The following ZNF135 variants were observed in gnomAD, a reference collection of about 807,000 sequenced individuals.
ZNF135 encodes the protein zinc finger protein 135 (clone pHZ-17).
A neutral mutation model predicts 12.3 loss-of-function variants in ZNF135; 11 were observed. That is an observed-to-expected ratio of 0.89 (90% CI 0.56 to 1.48). The LOEUF (loss-of-function observed/expected upper bound fraction) is 1.48. Ranked by LOEUF, ZNF135 falls within the 40% of genes most tolerant of loss-of-function variation. The pLI is 0.00. For missense variants in ZNF135, 722 were observed against 815.7 expected (o/e 0.89, Z 1.40); for synonymous variants, 316 against 312.0 (o/e 1.01, Z -0.14).
chr19:58,068,115 A>G lies in ZNF135; in HGVS notation c.1631A>G (p.His544Arg), dbSNP rs759825762. Residue 544 changes from histidine (H) to arginine (R), a missense_variant, in exon 5 of 5, where the codon CAC becomes CGC. Transcript: ENST00000313434. ...CCCCTCATTCAGCATCAGAGGATCC[A>G]CACAGGAGAGAAACCCTATGAATGT... Reference protein sequence around the residue: ...LAPLIQHQRIHTGEKPYECNQ... With the variant: ...LAPLIQHQRIRTGEKPYECNQ... 1 of 1,614,204 alleles carries G rather than the reference A, an allele frequency of 6.2e-7. No homozygotes were observed. The highest frequency in any genetic ancestry group is 8.5e-7 in the Non-Finnish European group (1 of 1,180,038).
At position 58,067,296 on chromosome 19, in the gene ZNF135, A is replaced by G. The variant is rs746536871; in HGVS notation, c.812A>G (p.Lys271Arg). Residue 271 changes from lysine (K) to arginine (R), a missense_variant, in exon 5 of 5, where the codon AAA (lysine) becomes AGA (arginine). Transcript: ENST00000313434. The part of the protein sequence containing the change: ...QRIHTGEKPY[K>R]CTQCGRTFNQ... ...ATCCATACTGGGGAGAAACCCTATAAATGCACTCAGTGTGGGAGGACCTTC... is the reference window on the plus strand; with the variant it reads ...ATCCATACTGGGGAGAAACCCTATAGATGCACTCAGTGTGGGAGGACCTTC... 1 of 1,614,138 alleles carries G rather than the reference A, an allele frequency of 6.2e-7. No individual in the cohort carries two copies. Among genetic ancestry groups the G allele is most frequent in the East Asian group, 2.2e-5 (1 of 44,882 alleles).
chr19:58,061,139 A>AG (rs925825058), intron 2 of ZNF135, among the ~76,000 whole-genome samples: 1 of 150,778 alleles, frequency 6.6e-6, no homozygotes, highest in Admixed American at 6.6e-5. Context: ...GGGGAAAAAA[A>AG]AAACCACCCA....
chr19:58,059,317 T>A lies in ZNF135; in HGVS notation c.-35+7T>A. On this transcript the variant is annotated splice_region_variant and intron_variant, in intron 1 of 4. Transcript: ENST00000313434. The surrounding 1 kb of genome is among the most constrained non-coding windows in gnomAD (Gnocchi z 6.5). ...TTGTCTCGCAGTCAGGAGGGTGAGC[T>A]AGGCCGGCGAGGAGGGGGAGGGGAG... 7.2e-7 allele frequency: 1 copy of A among 1,393,110 alleles called. No homozygotes were observed. The highest frequency in any genetic ancestry group is 9.4e-7 in the Non-Finnish European group (1 of 1,064,308). 86.3% of individuals were successfully genotyped at this position (1,393,110 alleles called of 1,614,324 possible). A position where few individuals can be genotyped will look rare whatever the true frequency, so the allele number is the denominator to read the frequency against.
chr19:58,068,120 G>C lies in ZNF135; in HGVS notation c.1636G>C (p.Gly546Arg), dbSNP rs1178394125. The change falls in exon 5 of 5, where the codon GGA becomes CGA. Residue 546 changes from glycine to arginine, a missense_variant. Physicochemically the swap from Gly to Arg is moderately radical, Grantham distance 125. Coordinates refer to ENST00000313434, the MANE Select transcript of ZNF135 (RefSeq NM_001289401.2). ...CATTCAGCATCAGAGGATCCACACAGGAGAGAAACCCTATGAATGTAACCA... is the reference window on the plus strand; with the variant it reads ...CATTCAGCATCAGAGGATCCACACACGAGAGAAACCCTATGAATGTAACCA... ...PLIQHQRIHT[G>R]EKPYECNQCG... 6.2e-7 allele frequency: 1 copy of C among 1,614,198 alleles called. No homozygotes were observed. The highest frequency in any genetic ancestry group is 1.1e-5 in the South Asian group (1 of 91,086).
At chr19:58,064,762 G>A (rs1380088977) in intron 4 of ZNF135, among the ~76,000 whole-genome samples, 6 of 151,806 alleles carry the variant, frequency 4.0e-5, no homozygotes, top group Non-Finnish European at 7.4e-5. Context: ...ATGGTGGCAC[G>A]CTCCTGTAGT....
rs141591921 is a variant in ZNF135, at chr19:58,067,762, C to G, written c.1278C>G (p.Thr426=). 5 of 1,614,084 alleles carry G rather than the reference C, an allele frequency of 3.1e-6. No homozygotes were observed. The highest frequency in any genetic ancestry group is 3.4e-6 in the Non-Finnish European group (4 of 1,180,008). Residue 426 remains threonine, a synonymous_variant, in exon 5 of 5, where the codon ACC becomes ACG. Transcript: ENST00000313434. The part of the protein sequence containing the change: ...GKAFSQSTLL[T]EHRRIHTGEK... ...CCTTCAGTCAGAGCACACTCCTGAC[C>G]GAGCATCGGAGGATTCACACAGGAG... is the stretch of plus-strand genomic sequence containing the variant.
Position 58,064,716 on chromosome 19 carries a change from C to CAA in ZNF135, c.256+1184_256+1185dup, listed in dbSNP as rs202061519. 5.0e-3 allele frequency among the ~76,000 whole-genome samples: 658 copies of CAA among 130,690 alleles called. 4 individuals are homozygous for CAA. The highest frequency in any genetic ancestry group is 0.017 in the African/African-American group (587 of 34,466). 85.7% of individuals were successfully genotyped at this position (130,690 alleles called of 152,430 possible). On this transcript the variant is annotated intron_variant, in intron 4 of 4. Coordinates refer to ENST00000313434, the MANE Select transcript of ZNF135 (RefSeq NM_001289401.2). Reference sequence around the variant, plus strand: ...CCAACATGGTGAAACCCCGTCTCTACAAAAAAAAAATACAAAAAAAAAAAA... The same window carrying CAA: ...CCAACATGGTGAAACCCCGTCTCTACAAAAAAAAAAAATACAAAAAAAAAAAA...
rs528421372 is a variant in ZNF135, at chr19:58,060,236, TGGCCTCTACTGGTGCCC to T, written c.33+212_33+228del. The T allele has an allele frequency of 7.2e-4, 1,020 of 1,426,408 alleles. 6 individuals are homozygous for T. The African/African-American group carries it at 9.8e-3, about 14-fold the overall frequency. The allele number at this position is 1,426,408 out of a possible 1,614,324, so 88.4% of individuals were successfully genotyped here. A position where few individuals can be genotyped will look rare whatever the true frequency, so the allele number is the denominator to read the frequency against. ...CACAACTGGCCTCTACTCGCGCACCTGGCCTCTACTGGTGCCCGGCCTCTACTCGTGCCCGGCCTCTA... is the reference window on the plus strand; with the variant it reads ...CACAACTGGCCTCTACTCGCGCACCTGGCCTCTACTCGTGCCCGGCCTCTA... On this transcript the variant is annotated intron_variant, in intron 2 of 4. Transcript: ENST00000313434. The surrounding 1 kb of genome is among the most constrained non-coding windows in gnomAD (Gnocchi z 4.9).
chr19:58,066,478 C>G (rs2145934977), intron 4 of ZNF135, among the ~76,000 whole-genome samples: 1 of 152,316 alleles, frequency 6.6e-6, no homozygotes, highest in East Asian at 1.9e-4. Flanking sequence ...CTTGTGCCAA[C>G]TGTTTTTTCC....
At chr19:58,066,053 A>G (rs1451659078) in intron 4 of ZNF135, among the ~76,000 whole-genome samples, 4 of 152,162 alleles carry the variant, frequency 2.6e-5, no homozygotes, top group African/African-American at 9.7e-5. Context: ...TGGGCTATAG[A>G]TACAGTGGTA....
In ZNF135 at chr19:58,059,684, C is replaced by T. The variant is rs1316668943; in HGVS notation, c.-34-285C>T. Reference sequence around the variant, plus strand: ...GGCATAGTGCCCAGGGCCAGGGGACCGCAACCACCCGGCCCTTGTCACTGT... The same window carrying T: ...GGCATAGTGCCCAGGGCCAGGGGACTGCAACCACCCGGCCCTTGTCACTGT... On this transcript the variant is annotated intron_variant, in intron 1 of 4. Transcript: ENST00000313434. This position sits in a 1 kb window ranked among gnomAD's most constrained non-coding sequence, Gnocchi z 6.5. 3.8e-6 allele frequency: 2 copies of T among 527,678 alleles called. No homozygotes were observed. The highest frequency in any genetic ancestry group is 3.3e-6 in the Non-Finnish European group (1 of 301,330). 32.7% of individuals were successfully genotyped at this position (527,678 alleles called of 1,614,324 possible). A position where few individuals can be genotyped will look rare whatever the true frequency, so the allele number is the denominator to read the frequency against.
At position 58,060,893 on chromosome 19, in the gene ZNF135, G is replaced by T. The variant is rs2073966463; in HGVS notation, c.34-687G>T. 1.3e-5 allele frequency among the ~76,000 whole-genome samples: 2 copies of T among 152,138 alleles called. No homozygotes were observed. Among genetic ancestry groups the T allele is most frequent in the African/African-American group, 4.8e-5 (2 of 41,440 alleles). ...TGTAATCCCAGCACTTTGGGAGGCC[G>T]AGGTGGGCGGATCACGAGGTCAGGA... On this transcript the variant is annotated intron_variant, in intron 2 of 4. Coordinates refer to ENST00000313434, the MANE Select transcript of ZNF135 (RefSeq NM_001289401.2). The surrounding 1 kb of genome is among the most constrained non-coding windows in gnomAD (Gnocchi z 4.9).
chr19:58,068,669 A>G lies in ZNF135; in HGVS notation c.*208A>G, dbSNP rs2074120570. ...TCTAGGTCATCCATCTCTGCATCCA[A>G]ATAGTAGGGAAACGTGGAGATAATC... On this transcript the variant is annotated 3_prime_UTR_variant, in exon 5 of 5. Transcript: ENST00000313434. 1.7e-6 allele frequency: 1 copy of G among 577,424 alleles called. No individual in the cohort carries two copies. The highest frequency in any genetic ancestry group is 2.9e-5 in the East Asian group (1 of 34,600). 35.8% of individuals were successfully genotyped at this position (577,424 alleles called of 1,614,324 possible). A position where few individuals can be genotyped will look rare whatever the true frequency, so the allele number is the denominator to read the frequency against.
At chr19:58,064,049 A>G (rs1568613609) in intron 4 of ZNF135, among the ~76,000 whole-genome samples, 1 of 152,296 alleles carries the variant, frequency 6.6e-6, no homozygotes, top group East Asian at 1.9e-4. Flanking sequence ...CTTAAACCAA[A>G]TAATTGTTTA....
In ZNF135 at chr19:58,068,007, C is replaced by G. The variant is rs774975997; in HGVS notation, c.1523C>G (p.Ser508Cys). 6.2e-7 allele frequency: 1 copy of G among 1,613,720 alleles called. No homozygotes were observed. The change falls in exon 5 of 5, where the codon TCC (serine) becomes TGC (cysteine). Residue 508 changes from serine to cysteine, a missense_variant. Ser to Cys is a moderately radical substitution (Grantham distance 112, BLOSUM62 -1). Transcript: ENST00000313434. ...GGCAAGGCATTCAGTCACAGCTCGTCCCTCACCAAACATCAGCGAATCCAC... is the reference window on the plus strand; with the variant it reads ...GGCAAGGCATTCAGTCACAGCTCGTGCCTCACCAAACATCAGCGAATCCAC... ...DCGKAFSHSS[S>C]LTKHQRIHTG...
rs2074134330 is a variant in ZNF135, at chr19:58,069,651, T to A, written c.*1190T>A. On this transcript the variant is annotated 3_prime_UTR_variant, in exon 5 of 5. Coordinates refer to ENST00000313434, the MANE Select transcript of ZNF135 (RefSeq NM_001289401.2). The stretch of plus-strand genomic sequence containing the variant: ...ACTTTGGGAGGCCAAGGTGGGAGGA[T>A]CACCTGAGGTCGGGAGATGGAGGTT... 6.6e-6 allele frequency: 1 copy of A among 151,306 alleles called. No individual in the cohort carries two copies. Among genetic ancestry groups the A allele is most frequent in the East Asian group, 2.0e-4 (1 of 5,120 alleles). The allele number at this position is 151,306 out of a possible 1,614,324, so 9.4% of individuals were successfully genotyped here.
rs564224015 is a variant in ZNF135 at position 58,068,382 on chromosome 19, C to A, written c.1898C>A (p.Pro633Gln). 49 of 1,614,164 alleles carry A rather than the reference C, an allele frequency of 3.0e-5. No individual in the cohort carries two copies. The South Asian group carries it at 5.2e-4, about 17-fold the overall frequency. The change falls in exon 5 of 5, where the codon CCA (proline) becomes CAA (glutamine). Residue 633 changes from proline to glutamine, a missense_variant. Coordinates refer to ENST00000313434, the MANE Select transcript of ZNF135 (RefSeq NM_001289401.2). ...QHRRIHTGEK[P>Q]YACRDCGKAF... ...CGGAGGATCCACACAGGAGAGAAGC[C>A]ATATGCATGCAGGGACTGTGGAAAG...
chr19:58,059,927 CGCCTCTGCCT>C lies in ZNF135; in HGVS notation c.-34-38_-34-29del. On this transcript the variant is annotated intron_variant, in intron 1 of 4. Transcript: ENST00000313434. This position sits in a 1 kb window ranked among gnomAD's most constrained non-coding sequence, Gnocchi z 6.5. Reference sequence around the variant, plus strand: ...TTCCCCGGCTTGGGGACCTGAGCACCGCCTCTGCCTGCCCCAGCTGCTCACCTCCCCTTTC... The same window carrying C: ...TTCCCCGGCTTGGGGACCTGAGCACCGCCCCAGCTGCTCACCTCCCCTTTC... The C allele has an allele frequency of 6.2e-7, 1 of 1,605,716 alleles. No homozygotes were observed. Among genetic ancestry groups the C allele is most frequent in the Non-Finnish European group, 8.5e-7 (1 of 1,176,616 alleles).
At position 58,068,409 on chromosome 19, in the gene ZNF135, C is replaced by T; in HGVS notation, c.1925C>T (p.Ala642Val). The T allele has an allele frequency of 6.2e-7, 1 of 1,614,152 alleles. No homozygotes were observed. The highest frequency in any genetic ancestry group is 8.5e-7 in the Non-Finnish European group (1 of 1,180,014). The change falls in exon 5 of 5, where the codon GCC becomes GTC. Residue 642 changes from alanine (A) to valine (V), a missense_variant. By Grantham distance (64) the Ala-to-Val change is moderately conservative. Coordinates refer to ENST00000313434, the MANE Select transcript of ZNF135 (RefSeq NM_001289401.2). ...KPYACRDCGK[A>V]FTHSSSLTKH... is the part of the protein sequence containing the mutation. ...TATGCATGCAGGGACTGTGGAAAGGCCTTTACCCACAGCTCCTCCCTTACC... is the reference window on the plus strand; with the variant it reads ...TATGCATGCAGGGACTGTGGAAAGGTCTTTACCCACAGCTCCTCCCTTACC...
Sources: allele counts gnomAD v4.1 joint callset (sites outside exome capture counted in the v4.1 genomes callset), GRCh38; gene constraint gnomAD v4.1.1; non-coding constraint Gnocchi (gnomAD v3.1); transcripts MANE v1.5; gene names NCBI Gene and HGNC (gene_info 2026-07-23, HGNC 2026-07-21).